ZKSCAN2: variants seen among roughly 807,000 people sequenced by gnomAD.
ZKSCAN2 encodes zinc finger protein with KRAB and SCAN domains 2.
A neutral mutation model predicts 90.5 loss-of-function variants in ZKSCAN2; 38 were observed. That is an observed-to-expected ratio of 0.42 (90% CI 0.32 to 0.55). The LOEUF (loss-of-function observed/expected upper bound fraction) is 0.55. ZKSCAN2 is among the 20% of genes least tolerant of loss of function. The pLI is 0.11. For missense variants in ZKSCAN2, 1,167 were observed against 1,202.6 expected (o/e 0.97, Z 0.44); for synonymous variants, 429 against 421.6 (o/e 1.02, Z -0.22).
Position 25,245,726 on chromosome 16 carries a change from C to T in ZKSCAN2, c.1489+981G>A, listed in dbSNP as rs556209858. Among the ~76,000 whole-genome samples the T allele has an allele frequency of 4.7e-5, 7 of 150,094 alleles. No homozygotes were observed. The East Asian group carries it at 1.2e-3, about 25-fold the overall frequency. ...AGGAGGTTGCAGTGAGCCGAGATTG[C>T]GCCACTGCACTCCAGCCTGGGTGAC... On this transcript the variant is annotated intron_variant, in intron 5 of 6. Coordinates refer to ENST00000328086, the MANE Select transcript of ZKSCAN2 (RefSeq NM_001012981.5).
At chr16:25,254,344 C>T (rs1963063871) in intron 2 of ZKSCAN2, among the ~76,000 whole-genome samples, 1 of 152,206 alleles carries the variant, frequency 6.6e-6, no homozygotes, top group African/African-American at 2.4e-5. Context: ...ACAGGGTATT[C>T]ATTTCCTAGC....
chr16:25,249,767 G>A (rs1962991175), intron 4 of ZKSCAN2, among the ~76,000 whole-genome samples: 1 of 152,214 alleles, frequency 6.6e-6, no homozygotes, highest in South Asian at 2.1e-4. Flanking sequence ...AACAGGTACA[G>A]CCATTATGGA....
Position 25,237,648 on chromosome 16 carries a change from T to C in ZKSCAN2, c.*2168A>G, listed in dbSNP as rs1360370555. 6.6e-6 allele frequency: 1 copy of C among 151,910 alleles called. No homozygotes were observed. Among genetic ancestry groups the C allele is most frequent in the Non-Finnish European group, 1.5e-5 (1 of 68,008 alleles). 9.4% of individuals were successfully genotyped at this position (151,910 alleles called of 1,614,324 possible). ...CTGTGATGCTTCCTCTATCAAACTG[T>C]GAGTTCCTTGAGCCCAGGCACCATG... On this transcript the variant is annotated 3_prime_UTR_variant, in exon 7 of 7. Transcript: ENST00000328086.
intron 2 of ZKSCAN2, among the ~76,000 whole-genome samples, chr16:25,253,291 A>G (rs1567354327): frequency 6.6e-6 from 1 of 152,136 alleles, no homozygotes; most frequent in African/African-American, 2.4e-5. Context: ...TGGAGAGCAC[A>G]CATCTGATTG....
At position 25,240,535 on chromosome 16, in the gene ZKSCAN2, G is replaced by A. The variant is rs1273692380; in HGVS notation, c.2185C>T (p.Pro729Ser). ...GIRQGKPMSQ[P>S]RDLGKAVVHQ... Reference sequence around the variant, plus strand: ...ACAACGGCTTTCCCTAAATCTCTAGGCTGAGACATCGGCTTTCCCTGTCTA... The same window carrying A: ...ACAACGGCTTTCCCTAAATCTCTAGACTGAGACATCGGCTTTCCCTGTCTA... The change falls in exon 7 of 7, where the codon CCT becomes TCT. Residue 729 changes from proline (P) to serine (S), a missense_variant. Transcript: ENST00000328086. 2 of 1,614,098 alleles carry A rather than the reference G, an allele frequency of 1.2e-6. No homozygotes were observed. Among genetic ancestry groups the A allele is most frequent in the Non-Finnish European group, 1.7e-6 (2 of 1,180,018 alleles).
chr16:25,240,125 C>T lies in ZKSCAN2; in HGVS notation c.2595G>A (p.Gly865=). 6.2e-7 allele frequency: 1 copy of T among 1,613,772 alleles called. No individual in the cohort carries two copies. The highest frequency in any genetic ancestry group is 8.5e-7 in the Non-Finnish European group (1 of 1,179,988). ...GEKPYQCGEC[G]KSFTNSSHFS... is the part of the protein sequence containing the mutation. The stretch of plus-strand genomic sequence containing the variant: ...AATGAGAACTGTTGGTGAAACTTTT[C>T]CCACACTCTCCACACTGATAGGGCT... The change falls in exon 7 of 7, where the codon GGG becomes GGA. Residue 865 remains glycine, a synonymous_variant. Coordinates refer to ENST00000328086, the MANE Select transcript of ZKSCAN2 (RefSeq NM_001012981.5).
chr16:25,257,514 T>C lies in ZKSCAN2; in HGVS notation c.-387A>G. 1 of 992,304 alleles carries C rather than the reference T, an allele frequency of 1.0e-6. No individual in the cohort carries two copies. The highest frequency in any genetic ancestry group is 4.7e-5 in the South Asian group (1 of 21,466). The allele number at this position is 992,304 out of a possible 1,614,324, so 61.5% of individuals were successfully genotyped here. A position where few individuals can be genotyped will look rare whatever the true frequency, so the allele number is the denominator to read the frequency against. ...AGGGGGTGTGTCCGCTACTCCCGGG[T>C]CGGGCGCGGAGAGGCGAGTCCCCGA... On this transcript the variant is annotated 5_prime_UTR_variant, in exon 1 of 7. Transcript: ENST00000328086.
At position 25,240,488 on chromosome 16, in the gene ZKSCAN2, C is replaced by T. The variant is rs1311094373; in HGVS notation, c.2232G>A (p.Gly744=). 2 of 1,614,030 alleles carry T rather than the reference C, an allele frequency of 1.2e-6. No individual in the cohort carries two copies. Among genetic ancestry groups the T allele is most frequent in the Non-Finnish European group, 1.7e-6 (2 of 1,180,030 alleles). The change falls in exon 7 of 7, where the codon GGG becomes GGA. Residue 744 remains glycine (G), a synonymous_variant. Coordinates refer to ENST00000328086, the MANE Select transcript of ZKSCAN2 (RefSeq NM_001012981.5). Reference sequence around the variant, plus strand: ...ATTTGAGAAGTCTGTAGGGTCTCTTCCCCACAAAAGGCCTCTGATGCACAA... The same window carrying T: ...ATTTGAGAAGTCTGTAGGGTCTCTTTCCCACAAAAGGCCTCTGATGCACAA... ...KAVVHQRPFV[G]KRPYRLLKYG...
intron 2 of ZKSCAN2, among the ~76,000 whole-genome samples, chr16:25,253,439 C>CCTCTCTCT (rs151086073): frequency 4.0e-4 from 58 of 144,638 alleles, no homozygotes; most frequent in African/African-American, 1.4e-3. Flanking sequence ...TTTCTCCCTT[C>CCTCTCTCT]CTCTCTCTCT....
At chr16:25,250,355 C>T (rs1963002822) in intron 4 of ZKSCAN2, among the ~76,000 whole-genome samples, 1 of 151,906 alleles carries the variant, frequency 6.6e-6, no homozygotes, top group African/African-American at 2.4e-5. Flanking sequence ...ACTTGGAGGG[C>T]ATTGTGCTAA....
chr16:25,241,952 C>T (rs1261281806), intron 6 of ZKSCAN2, among the ~76,000 whole-genome samples: 1 of 152,218 alleles, frequency 6.6e-6, no homozygotes, highest in East Asian at 1.9e-4. Flanking sequence ...TCACTGCAGC[C>T]TTGACCTCCC....
intron 3 of ZKSCAN2, among the ~76,000 whole-genome samples, chr16:25,252,290 T>C (rs1011157690): frequency 6.6e-6 from 1 of 152,180 alleles, no homozygotes; most frequent in Non-Finnish European, 1.5e-5. Flanking sequence ...AATATACTTA[T>C]ACACTTGTGA....
In ZKSCAN2 at chr16:25,238,653, G is replaced by A. The variant is rs565110900; in HGVS notation, c.*1163C>T. On this transcript the variant is annotated 3_prime_UTR_variant, in exon 7 of 7. Transcript: ENST00000328086. Reference sequence around the variant, plus strand: ...ACTACAGTTAGGTTTCTGATGCGGTGAACAGGGACTAGAAGCCTCAGGAAA... The same window carrying A: ...ACTACAGTTAGGTTTCTGATGCGGTAAACAGGGACTAGAAGCCTCAGGAAA... 1 of 152,314 alleles carries A rather than the reference G, an allele frequency of 6.6e-6. No homozygotes were observed. Among genetic ancestry groups the A allele is most frequent in the Non-Finnish European group, 1.5e-5 (1 of 68,038 alleles). The allele number at this position is 152,314 out of a possible 1,614,324, so 9.4% of individuals were successfully genotyped here. A position where few individuals can be genotyped will look rare whatever the true frequency, so the allele number is the denominator to read the frequency against.
chr16:25,253,033 C>T lies in ZKSCAN2; in HGVS notation c.591G>A (p.Arg197=), dbSNP rs1195949324. ...CAAGGGCAGGAACCCAGGGAGAAGG[C>T]CGAGCTGTAAGAATAGAAAGAAACG... ...RERRPLPKNA[R]PSPWVPALAD... The change falls in exon 3 of 7, where the codon CGG becomes CGA. Residue 197 remains arginine (R), a synonymous_variant. Transcript: ENST00000328086. 8.7e-6 allele frequency: 14 copies of T among 1,613,276 alleles called. No homozygotes were observed. The highest frequency in any genetic ancestry group is 1.3e-5 in the African/African-American group (1 of 74,906).
At chr16:25,250,397 T>C (rs1289539029) in intron 4 of ZKSCAN2, among the ~76,000 whole-genome samples, 1 of 152,106 alleles carries the variant, frequency 6.6e-6, no homozygotes, top group Non-Finnish European at 1.5e-5. Context: ...AACACAAATA[T>C]GATCTCACTT....
At chr16:25,243,008 A>G (rs1322205846) in intron 6 of ZKSCAN2, among the ~76,000 whole-genome samples, 1 of 152,250 alleles carries the variant, frequency 6.6e-6, no homozygotes, top group Non-Finnish European at 1.5e-5. Flanking sequence ...GTTACTAGTG[A>G]CAGGCCCACG....
intron 2 of ZKSCAN2, 64 bp from the exon 3 acceptor site, chr16:25,253,101 CTTTTT>C: frequency 7.9e-7 from 1 of 1,269,488 alleles, no homozygotes; most frequent in African/African-American, 1.5e-5. Context: ...TGCTGTCTCT[CTTTTT>C]AAGAGATGAG....
Position 25,247,079 on chromosome 16 carries a change from C to G in ZKSCAN2, c.1117G>C (p.Val373Leu), listed in dbSNP as rs777968369. The change falls in exon 5 of 7, where the codon GTG becomes CTG. Residue 373 changes from valine (V) to leucine (L), a missense_variant. Physicochemically the swap from Val to Leu is conservative, Grantham distance 32. Transcript: ENST00000328086. ...TLQACPRNSQ[V>L]YGAVAEWLRE... ...AACCATTCAGCCACAGCACCATACA[C>G]TTGGCTATTTCGGGGACAGGCCTGA... is the stretch of plus-strand genomic sequence containing the variant. The G allele has an allele frequency of 5.0e-6, 8 of 1,614,240 alleles. No individual in the cohort carries two copies. Among genetic ancestry groups the G allele is most frequent in the Non-Finnish European group, 5.1e-6 (6 of 1,180,050 alleles).
At position 25,255,135 on chromosome 16, in the gene ZKSCAN2, C is replaced by G. The variant is rs577598879; in HGVS notation, c.586+71G>C. The G allele has an allele frequency of 8.1e-6, 12 of 1,484,104 alleles. 1 individual carries two copies. In the South Asian group the frequency reaches 1.7e-4, roughly 21 times the overall value. The allele number at this position is 1,484,104 out of a possible 1,614,324, so 91.9% of individuals were successfully genotyped here. A position where few individuals can be genotyped will look rare whatever the true frequency, so the allele number is the denominator to read the frequency against. On this transcript the variant is annotated intron_variant, in intron 2 of 6. Transcript: ENST00000328086. Reference sequence around the variant, plus strand: ...TCAAGGAGGCCCTCCACTGCACATTCACAGCGTTGGGGTACTGCGGAAATC... The same window carrying G: ...TCAAGGAGGCCCTCCACTGCACATTGACAGCGTTGGGGTACTGCGGAAATC...
Sources: allele counts gnomAD v4.1 joint callset (sites outside exome capture counted in the v4.1 genomes callset), GRCh38; gene constraint gnomAD v4.1.1; transcripts MANE v1.5; gene names NCBI Gene and HGNC (gene_info 2026-07-23, HGNC 2026-07-21).